Variants in PHF21B observed in about 807,000 individuals in gnomAD.
PHF21B encodes the protein PHD finger protein 4.
Under a neutral mutation model 62.2 loss-of-function variants are expected in PHF21B, and 22 were observed. The observed-to-expected ratio is 0.35, with a 90% CI of 0.25 to 0.51. PHF21B has a LOEUF of 0.51. Among genes scored for constraint, PHF21B ranks in the 20% least tolerant of loss-of-function variants. The pLI, the probability that PHF21B is intolerant of heterozygous loss-of-function variation, is 0.97. For missense variants in PHF21B, 701 were observed against 707.9 expected, an observed-to-expected ratio of 0.99 and a Z score of 0.11; for synonymous variants, 341 against 314.7, an observed-to-expected ratio of 1.08 and a Z score of -0.88.
At chr22:44,889,568 G>A (rs762514087) in intron 9 of PHF21B, among the ~76,000 whole-genome samples, 192 bp downstream of exon 9, 5 of 152,218 alleles carry the variant, frequency 3.3e-5, no homozygotes, top group Admixed American at 6.5e-5. Flanking sequence ...GGCAATGCCC[G>A]ACTTGACGCT....
chr22:44,896,675 T>G (rs982801400), intron 5 of PHF21B, among the ~76,000 whole-genome samples: 1 of 152,186 alleles, frequency 6.6e-6, no homozygotes, highest in African/African-American at 2.4e-5. Context: ...AACCTGACAC[T>G]TGACCCATAA....
At chr22:44,941,304 G>A (rs574426757) in intron 2 of PHF21B, among the ~76,000 whole-genome samples, 3 of 152,304 alleles carry the variant, frequency 2.0e-5, no homozygotes, top group South Asian at 2.1e-4. Flanking sequence ...GCGCCATGCC[G>A]CACCACCAGC....
intron 2 of PHF21B, among the ~76,000 whole-genome samples, chr22:44,980,772 G>A (rs1283755248): frequency 6.6e-6 from 1 of 152,042 alleles, no homozygotes; most frequent in Non-Finnish European, 1.5e-5. Context: ...ACAAGGCCAG[G>A]GTCCTCTGCC....
chr22:44,978,531 T>C (rs1223765000), intron 2 of PHF21B, among the ~76,000 whole-genome samples: 1 of 152,192 alleles, frequency 6.6e-6, no homozygotes, highest in African/African-American at 2.4e-5. Flanking sequence ...GGCTAATTTT[T>C]GTATTTTCAT....
intron 2 of PHF21B, among the ~76,000 whole-genome samples, chr22:44,967,414 G>T (rs1031612441): frequency 3.3e-5 from 5 of 151,938 alleles, no homozygotes; most frequent in African/African-American, 1.2e-4. Flanking sequence ...GTAGAGACGG[G>T]GTTTCACCGT....
intron 2 of PHF21B, among the ~76,000 whole-genome samples, chr22:44,996,044 C>T (rs1474316421): frequency 6.6e-6 from 1 of 152,178 alleles, no homozygotes; most frequent in African/African-American, 2.4e-5. Flanking sequence ...CATATCCAAA[C>T]ATCACACTTC....
intron 2 of PHF21B, among the ~76,000 whole-genome samples, chr22:44,983,448 C>T (rs1413446442): frequency 6.6e-6 from 1 of 152,128 alleles, no homozygotes; most frequent in East Asian, 1.9e-4. Flanking sequence ...CATGAACCCC[C>T]ACTAGTGGCA....
At chr22:45,001,670 C>T (rs1360830646) in intron 2 of PHF21B, among the ~76,000 whole-genome samples, 3 of 152,248 alleles carry the variant, frequency 2.0e-5, no homozygotes, top group Non-Finnish European at 4.4e-5. Flanking sequence ...CCGCTACTTC[C>T]ATATCCCCAA....
At chr22:44,961,050 T>C (rs953248082) in intron 2 of PHF21B, among the ~76,000 whole-genome samples, 3 of 147,914 alleles carry the variant, frequency 2.0e-5, no homozygotes, top group Non-Finnish European at 1.5e-5. Context: ...TCTGACTCCC[T>C]GGTTCAAGCG....
intron 5 of PHF21B, among the ~76,000 whole-genome samples, chr22:44,900,847 A>G (rs2071146818): frequency 6.6e-6 from 1 of 151,212 alleles, no homozygotes; most frequent in South Asian, 2.1e-4. Flanking sequence ...TCAATCAGTA[A>G]CTTCACTGGG....
intron 2 of PHF21B, among the ~76,000 whole-genome samples, chr22:45,005,893 C>T (rs950242649): frequency 2.0e-5 from 3 of 152,154 alleles, no homozygotes; most frequent in African/African-American, 4.8e-5. Context: ...CACCTCCACT[C>T]CCCCATTTCG....
At chr22:44,894,725 T>TG (rs932489641) in intron 6 of PHF21B, among the ~76,000 whole-genome samples, 11 of 152,144 alleles carry the variant, frequency 7.2e-5, no homozygotes, top group African/African-American at 2.7e-4. Flanking sequence ...TCTGGAAGGC[T>TG]GGGGCTCTTC....
chr22:44,917,950 A>C (rs2071468367), intron 3 of PHF21B, among the ~76,000 whole-genome samples: 1 of 152,136 alleles, frequency 6.6e-6, no homozygotes, highest in Non-Finnish European at 1.5e-5. Flanking sequence ...CCTTAGCAAA[A>C]TGAGCCCGGC....
In PHF21B at chr22:44,916,391, GGCGTAGGCCACCCCC is replaced by G; in HGVS notation, c.438_452del (p.Gly147_Ala151del). 6.3e-7 allele frequency: 1 copy of G among 1,591,330 alleles called. No homozygotes were observed. Among genetic ancestry groups the G allele is most frequent in the Non-Finnish European group, 8.5e-7 (1 of 1,175,620 alleles). Reference sequence around the variant, plus strand: ...CATTGCTGGGGGAGGTGGAGATGATGGCGTAGGCCACCCCCGCACTGCTCAGCGGAGAGGCGAGGG... The same window carrying G: ...CATTGCTGGGGGAGGTGGAGATGATGGCACTGCTCAGCGGAGAGGCGAGGG... On this transcript the variant is annotated inframe_deletion, in exon 4 of 13. Transcript: ENST00000313237.
chr22:44,941,813 G>A (rs1196074415), intron 2 of PHF21B, among the ~76,000 whole-genome samples: 1 of 152,148 alleles, frequency 6.6e-6, no homozygotes, highest in Non-Finnish European at 1.5e-5. Context: ...ACAGGCTGGG[G>A]GGGCCACCTG....
At chr22:44,948,448 G>A (rs4823266) in intron 2 of PHF21B, among the ~76,000 whole-genome samples, 73,075 of 151,984 alleles carry the variant, frequency 0.48, 20,045 homozygotes, top group Non-Finnish European at 0.64. Context: ...CTGGGAGGCC[G>A]AGGCGGGCAG....
At chr22:44,961,844 CA>C (rs1413118390) in intron 2 of PHF21B, among the ~76,000 whole-genome samples, 2 of 126,780 alleles carry the variant, frequency 1.6e-5, no homozygotes, top group South Asian at 5.6e-4. Flanking sequence ...GACTCTGTCT[CA>C]AAATAAATAA....
intron 1 of PHF21B, chr22:45,008,937 G>A: frequency 9.1e-7 from 1 of 1,104,940 alleles, no homozygotes; most frequent in East Asian, 4.9e-5. Context: ...GGGGGAGGGG[G>A]GAGGAACAAA....
At chr22:44,949,819 C>A (rs1416337589) in intron 2 of PHF21B, among the ~76,000 whole-genome samples, 3 of 151,948 alleles carry the variant, frequency 2.0e-5, no homozygotes, top group Non-Finnish European at 4.4e-5. Context: ...ATTTCAATCA[C>A]ATCCTGCAAA....
Sources: gnomAD v4.1 joint callset for allele counts (sites outside exome capture counted in the v4.1 genomes callset) on GRCh38, gnomAD v4.1.1 for gene constraint, MANE v1.5 for transcripts, NCBI Gene and HGNC (gene_info 2026-07-23, HGNC 2026-07-21) for gene names.